Variants in OR56A3 observed in about 807,000 individuals in gnomAD.
OR56A3 encodes olfactory receptor 56A3.
In OR56A3, 23 loss-of-function variants were observed where a neutral mutation model predicts 17.5. That is an observed-to-expected ratio of 1.32 (90% CI 0.95 to 1.87). The LOEUF is 1.87. OR56A3 is among the 40% of genes most tolerant of loss of function. The probability of loss-of-function intolerance (pLI) is 0.00; values close to 1 mark genes in which losing one functional copy is unlikely to be tolerated. For synonymous variants in OR56A3, 175 were observed against 150.6 expected, an observed-to-expected ratio of 1.16 and a Z score of -1.19; for missense variants, 366 against 380.1, an observed-to-expected ratio of 0.96 and a Z score of 0.31.
chr11:5,955,517 G>A (rs140344838), downstream of OR56A3, among the ~76,000 whole-genome samples: 452 of 152,238 alleles, frequency 3.0e-3, 4 homozygotes, highest in African/African-American at 0.01. Context: ...AAAGTTTAGA[G>A]CAGGAATGAA....
the OR56A3 span, among the ~76,000 whole-genome samples, chr11:5,972,662 C>A: frequency 6.6e-6 from 1 of 152,200 alleles, no homozygotes. Flanking sequence ...TAAAGGTTCC[C>A]ATGAGAGCCA....
the OR56A3 span, chr11:5,968,368 C>G: frequency 1.9e-6 from 3 of 1,613,758 alleles, no homozygotes; most frequent in Non-Finnish European, 2.5e-6. Flanking sequence ...GCATTGGCCC[C>G]CATGGCCAGG....
chr11:6,011,204 T>TACACATATA, the OR56A3 span, among the ~76,000 whole-genome samples: 1 of 122,524 alleles, frequency 8.2e-6, no homozygotes. Flanking sequence ...GAGATTTATT[T>TACACATATA]TATATATATA....
At chr11:5,969,906 T>C in the OR56A3 span, among the ~76,000 whole-genome samples, 1 of 142,686 alleles carries the variant, frequency 7.0e-6, no homozygotes, top group East Asian at 2.1e-4. Flanking sequence ...GAGGTATAAA[T>C]ATAATGATAG....
chr11:6,009,005 T>C, the OR56A3 span, among the ~76,000 whole-genome samples: 1 of 152,200 alleles, frequency 6.6e-6, no homozygotes, highest in Non-Finnish European at 1.5e-5. Flanking sequence ...ATGTAGAATC[T>C]AAGTAATGCA....
chr11:5,993,062 T>G, the OR56A3 span, among the ~76,000 whole-genome samples: 1 of 152,154 alleles, frequency 6.6e-6, no homozygotes, highest in South Asian at 2.1e-4. Context: ...CCATAAGAAT[T>G]GGTTAAAAGT....
the OR56A3 span, chr11:5,999,761 T>G: frequency 6.6e-6 from 1 of 152,234 alleles, no homozygotes; most frequent in Non-Finnish European, 1.5e-5. Context: ...TTTATCTGTA[T>G]GTATAAGAGA....
chr11:5,955,682 T>C (rs1847928491), downstream of OR56A3, among the ~76,000 whole-genome samples: 1 of 152,198 alleles, frequency 6.6e-6, no homozygotes, highest in South Asian at 2.1e-4. Flanking sequence ...GCTGTCTGCA[T>C]GCACCAGTGG....
In OR56A3 at chr11:5,947,559, C is replaced by T; in HGVS notation, c.213C>T (p.Ser71=). 1.2e-6 allele frequency: 2 copies of T among 1,614,180 alleles called. No individual in the cohort carries two copies. The highest frequency in any genetic ancestry group is 8.5e-7 in the Non-Finnish European group (1 of 1,180,034). Reference sequence around the variant, plus strand: ...TGTACTACCTGCTCAGCCTCCTCTCCCTGCTGGACATCGTGCTCTGCCTCA... The same window carrying T: ...TGTACTACCTGCTCAGCCTCCTCTCTCTGCTGGACATCGTGCTCTGCCTCA... ...QPLYYLLSLL[S]LLDIVLCLTV... The change falls in exon 3 of 3, where the codon TCC becomes TCT. Residue 71 remains serine (S), a synonymous_variant. Transcript: ENST00000641160.
chr11:6,009,900 A>G, the OR56A3 span, among the ~76,000 whole-genome samples: 1 of 151,784 alleles, frequency 6.6e-6, no homozygotes, highest in Non-Finnish European at 1.5e-5. Flanking sequence ...TTATCTTTTA[A>G]CCTCTATTTC....
chr11:5,943,954 T>G (rs1291119128), intron 1 of OR56A3, among the ~76,000 whole-genome samples: 2 of 152,236 alleles, frequency 1.3e-5, no homozygotes, highest in African/African-American at 2.4e-5. Context: ...GGGTCAATTA[T>G]GCCAAGTTCT....
the OR56A3 span, among the ~76,000 whole-genome samples, chr11:6,010,757 T>C: frequency 4.6e-5 from 7 of 152,112 alleles, no homozygotes; most frequent in African/African-American, 1.7e-4. Flanking sequence ...ATTATAAATA[T>C]CAAATCATAC....
At chr11:6,007,768 C>T in the OR56A3 span, among the ~76,000 whole-genome samples, 1 of 152,138 alleles carries the variant, frequency 6.6e-6, no homozygotes, top group East Asian at 1.9e-4. Context: ...GAGGGAAGTA[C>T]TAGAGGAACA....
the OR56A3 span, chr11:6,001,292 T>C: frequency 1.3e-5 from 2 of 152,196 alleles, no homozygotes; most frequent in African/African-American, 4.8e-5. Flanking sequence ...GACATGAAGA[T>C]GAAGATGATG....
chr11:5,963,994 T>G, the OR56A3 span, among the ~76,000 whole-genome samples: 1 of 152,220 alleles, frequency 6.6e-6, no homozygotes, highest in Non-Finnish European at 1.5e-5. Context: ...AATTCTGTTG[T>G]TGATGCTCTA....
chr11:5,960,872 G>T, the OR56A3 span, among the ~76,000 whole-genome samples: 3 of 151,474 alleles, frequency 2.0e-5, no homozygotes, highest in Admixed American at 2.0e-4. Context: ...CCTCTGCCTC[G>T]CCGCCCCGTC....
At chr11:5,969,449 C>G in the OR56A3 span, among the ~76,000 whole-genome samples, 1 of 152,234 alleles carries the variant, frequency 6.6e-6, no homozygotes, top group African/African-American at 2.4e-5. Context: ...ATAAACTCAT[C>G]AGCATCTACA....
At chr11:5,993,344 C>T in the OR56A3 span, among the ~76,000 whole-genome samples, 1 of 152,122 alleles carries the variant, frequency 6.6e-6, no homozygotes, top group Non-Finnish European at 1.5e-5. Flanking sequence ...GAGAAGAAGT[C>T]AAGCATAGAT....
At chr11:5,980,985 G>C in the OR56A3 span, among the ~76,000 whole-genome samples, 16 of 152,162 alleles carry the variant, frequency 1.1e-4, no homozygotes, top group African/African-American at 3.9e-4. Flanking sequence ...AGTGATAATA[G>C]GTCCCTCATC....
Sources: allele counts gnomAD v4.1 joint callset (sites outside exome capture counted in the v4.1 genomes callset), GRCh38; gene constraint gnomAD v4.1.1; transcripts MANE v1.5; gene names NCBI Gene and HGNC (gene_info 2026-07-23, HGNC 2026-07-21).